The following MRTFA variants were observed in gnomAD, a reference collection of about 807,000 sequenced individuals.
MRTFA encodes myocardin related transcription factor A, also known as myocardin-related transcription factor A.
A neutral mutation model predicts 83.5 loss-of-function variants in MRTFA; 20 were observed. The ratio of observed to expected loss-of-function variants is 0.24; its 90% confidence interval spans 0.17 to 0.35. The LOEUF (loss-of-function observed/expected upper bound fraction) is 0.35, where lower values mean the gene tolerates loss of function less well. MRTFA is among the 10% of genes least tolerant of loss of function. The pLI is 1.00. For synonymous variants in MRTFA, 659 were observed against 541.2 expected (o/e 1.22, Z -3.02); for missense variants, 1,200 against 1,224.7 (o/e 0.98, Z 0.30).
intron 3 of MRTFA, among the ~76,000 whole-genome samples, chr22:40,471,848 G>A (rs1405083669): frequency 1.3e-5 from 2 of 151,948 alleles, no homozygotes; most frequent in South Asian, 2.1e-4. Context: ...CTCCAACCTG[G>A]GTGCCAGAGC....
chr22:40,580,945 C>T (rs746725343), intron 2 of MRTFA, among the ~76,000 whole-genome samples: 3 of 152,072 alleles, frequency 2.0e-5, no homozygotes, highest in Non-Finnish European at 4.4e-5. Context: ...ACAGGTATCA[C>T]ATTTAACTTC....
chr22:40,463,495 G>A (rs919495331), intron 3 of MRTFA: 9 of 534,506 alleles, frequency 1.7e-5, no homozygotes, highest in Admixed American at 3.4e-5. Context: ...AGGAAGTTGC[G>A]AAGGGTCTTG....
chr22:40,465,481 G>A (rs564954261), intron 3 of MRTFA, among the ~76,000 whole-genome samples: 2 of 152,244 alleles, frequency 1.3e-5, no homozygotes, highest in African/African-American at 2.4e-5. Flanking sequence ...CACTTATGAC[G>A]CACGTACTCT....
At chr22:40,445,015 C>G (rs1001307602) in intron 4 of MRTFA, among the ~76,000 whole-genome samples, 1 of 152,016 alleles carries the variant, frequency 6.6e-6, no homozygotes, top group African/African-American at 2.4e-5. Context: ...TGCAGTGAGC[C>G]GTGATCACAC....
chr22:40,518,699 G>T lies in MRTFA; in HGVS notation c.241+33407C>A, dbSNP rs141589353. Among the ~76,000 whole-genome samples the T allele has an allele frequency of 4.2e-3, 625 of 147,616 alleles. 8 individuals carry two copies. Among genetic ancestry groups the T allele is most frequent in the African/African-American group, 0.015 (590 of 40,310 alleles). On this transcript the variant is annotated intron_variant, in intron 3 of 14. Coordinates refer to ENST00000355630, the MANE Select transcript of MRTFA (RefSeq NM_020831.6). ...AGTCCCGGCTTCTCAGGAAGCTGAG[G>T]AAGGAGAATGGCGTGAACCCAGGAT...
intron 1 of MRTFA, among the ~76,000 whole-genome samples, chr22:40,631,479 T>G (rs913246661): frequency 6.6e-6 from 1 of 152,190 alleles, no homozygotes; most frequent in African/African-American, 2.4e-5. Flanking sequence ...AAGAGTATCA[T>G]AGTCACACAG....
At chr22:40,564,085 A>G (rs1455139493) in intron 2 of MRTFA, among the ~76,000 whole-genome samples, 1 of 152,226 alleles carries the variant, frequency 6.6e-6, no homozygotes, top group Non-Finnish European at 1.5e-5. Flanking sequence ...CAGGATTTAT[A>G]TAAGATAGAA....
chr22:40,561,212 C>CTG (rs60830555), intron 2 of MRTFA, among the ~76,000 whole-genome samples: 1,845 of 145,978 alleles, frequency 0.013, 15 homozygotes, highest in African/African-American at 0.025. Flanking sequence ...GTGTGTGTGT[C>CTG]TGTGTGTGTG....
At chr22:40,484,871 G>A (rs532050746) in intron 3 of MRTFA, among the ~76,000 whole-genome samples, 2 of 152,036 alleles carry the variant, frequency 1.3e-5, no homozygotes, top group South Asian at 2.1e-4. Context: ...AGGAGATCGA[G>A]ACCATCCTGG....
chr22:40,522,550 G>T (rs2054888331), intron 3 of MRTFA: 1 of 152,322 alleles, frequency 6.6e-6, no homozygotes, highest in African/African-American at 2.4e-5. Context: ...TTTTGAGGCA[G>T]GGTCTCACTC....
At chr22:40,492,046 G>A (rs1015786302) in intron 3 of MRTFA, among the ~76,000 whole-genome samples, 3 of 150,838 alleles carry the variant, frequency 2.0e-5, no homozygotes, top group Admixed American at 2.0e-4. Context: ...GTCCTTTCTC[G>A]GCTTCAGGAC....
chr22:40,540,500 A>C (rs554288618), intron 3 of MRTFA, among the ~76,000 whole-genome samples: 2 of 152,012 alleles, frequency 1.3e-5, no homozygotes, highest in Non-Finnish European at 2.9e-5. Flanking sequence ...ACGTGGCTTA[A>C]TTCTAGCCAG....
chr22:40,571,299 GA>G (rs2055789433), intron 2 of MRTFA, among the ~76,000 whole-genome samples: 1 of 152,070 alleles, frequency 6.6e-6, no homozygotes, highest in Non-Finnish European at 1.5e-5. Flanking sequence ...CTAAATGTAA[GA>G]GATGAAAATG....
chr22:40,543,504 T>G (rs2055320477), intron 3 of MRTFA, among the ~76,000 whole-genome samples: 1 of 152,174 alleles, frequency 6.6e-6, no homozygotes, highest in Admixed American at 6.6e-5. Flanking sequence ...GCTCTTCCAA[T>G]CCTATCCAGC....
chr22:40,464,309 GAAAAA>G (rs398040500), intron 3 of MRTFA, among the ~76,000 whole-genome samples: 1 of 56,262 alleles, frequency 1.8e-5, no homozygotes, highest in African/African-American at 7.9e-5. Context: ...GCTGTCTCAG[GAAAAA>G]AAAAAAAAAA....
chr22:40,573,390 G>C (rs1431966041), intron 2 of MRTFA, among the ~76,000 whole-genome samples: 1 of 152,032 alleles, frequency 6.6e-6, no homozygotes, highest in Non-Finnish European at 1.5e-5. Flanking sequence ...AAGTAGCTGG[G>C]ACTACAGGTA....
At chr22:40,433,913 C>T (rs1242001500) in intron 5 of MRTFA, among the ~76,000 whole-genome samples, 2 of 152,030 alleles carry the variant, frequency 1.3e-5, no homozygotes, top group Non-Finnish European at 1.5e-5. Context: ...TTATGGTTAC[C>T]ATGTGTTAGG....
chr22:40,523,373 C>G (rs1054752575), intron 3 of MRTFA: 1 of 152,200 alleles, frequency 6.6e-6, no homozygotes, highest in Non-Finnish European at 1.5e-5. Flanking sequence ...TAGGGTCTCA[C>G]TTTGTGGCCC....
At chr22:40,529,831 T>C (rs771672482) in intron 3 of MRTFA, among the ~76,000 whole-genome samples, 2 of 152,180 alleles carry the variant, frequency 1.3e-5, no homozygotes, top group Non-Finnish European at 2.9e-5. Flanking sequence ...CTAATAATCA[T>C]AACAACAAAA....
Sources: allele counts gnomAD v4.1 joint callset (sites outside exome capture counted in the v4.1 genomes callset), GRCh38; gene constraint gnomAD v4.1.1; transcripts MANE v1.5; gene names NCBI Gene and HGNC (gene_info 2026-07-23, HGNC 2026-07-21).